INO80C: variants seen among roughly 807,000 people sequenced by gnomAD.
INO80C encodes the protein INO80 complex subunit C, also known as IES6 homolog.
In INO80C, 17 loss-of-function variants were observed where a neutral mutation model predicts 17.7. The observed-to-expected ratio is 0.96, with a 90% CI of 0.66 to 1.44. The LOEUF (loss-of-function observed/expected upper bound fraction) is 1.44, where lower values mean the gene tolerates loss of function less well. Ranked by LOEUF, INO80C falls within the 40% of genes most tolerant of loss-of-function variation. The probability of loss-of-function intolerance (pLI) is 0.00; values close to 1 mark genes in which losing one functional copy is unlikely to be tolerated. For synonymous variants in INO80C, 96 were observed against 95.8 expected, an observed-to-expected ratio of 1.00 and a Z score of -0.01; for missense variants, 244 against 245.0, an observed-to-expected ratio of 1.00 and a Z score of 0.03.
rs369355270 is a variant in INO80C, at chr18:35,497,705, G to C, written c.156+14C>G. ...CGCGACGCGCACGCGCAGCCTGGGA[G>C]CGCGACTGCGTACCTGCGCAAAGCT... On this transcript the variant is annotated intron_variant, in intron 1 of 4. Coordinates refer to ENST00000334598, the MANE Select transcript of INO80C (RefSeq NM_194281.4). The C allele has an allele frequency of 1.3e-4, 212 of 1,608,596 alleles. No homozygotes were observed. Among genetic ancestry groups the C allele is most frequent in the Non-Finnish European group, 1.7e-4 (198 of 1,177,898 alleles).
chr18:35,485,754 CAA>C lies in INO80C; in HGVS notation c.157-5193_157-5192del, dbSNP rs2045866517. Among the ~76,000 whole-genome samples the C allele has an allele frequency of 2.0e-5, 3 of 152,304 alleles. No homozygotes were observed. The South Asian group carries it at 6.2e-4, about 32-fold the overall frequency. ...ATATGTCCATGCAAAAACTTGTACA[CAA>C]ATATTCATAGCAGCATTATTCATAA... is the stretch of plus-strand genomic sequence containing the variant. On this transcript the variant is annotated intron_variant, in intron 1 of 4. Transcript: ENST00000334598.
chr18:35,497,585 G>T (rs1598755467), intron 1 of INO80C, 134 bp downstream of exon 1: 5 of 1,426,448 alleles, frequency 3.5e-6, no homozygotes, highest in Non-Finnish European at 4.6e-6. Flanking sequence ...TTCACTCCGC[G>T]GGGCAGCGTC....
intron 4 of INO80C, among the ~76,000 whole-genome samples, chr18:35,472,355 G>A (rs2045681080): frequency 6.6e-6 from 1 of 152,210 alleles, no homozygotes; most frequent in South Asian, 2.1e-4. Flanking sequence ...GATGGCCAGT[G>A]ATGATGAGCA....
At chr18:35,478,220 T>C in intron 4 of INO80C, 62 bp downstream of exon 4, 1 of 1,239,700 alleles carries the variant, frequency 8.1e-7, no homozygotes. Flanking sequence ...AACACTTGTC[T>C]AATTAGACAT....
chr18:35,468,761 A>G lies in INO80C; in HGVS notation c.448-19T>C. 1 of 1,609,324 alleles carries G rather than the reference A, an allele frequency of 6.2e-7. No individual in the cohort carries two copies. The highest frequency in any genetic ancestry group is 1.1e-5 in the South Asian group (1 of 90,770). On this transcript the variant is annotated intron_variant, in intron 4 of 4. Coordinates refer to ENST00000334598, the MANE Select transcript of INO80C (RefSeq NM_194281.4). ...AGTTGGCCTGGGTGAAAAGAGGCACAGGGAAGGGCAGAAAGTTTTTGCTGG... is the reference window on the plus strand; with the variant it reads ...AGTTGGCCTGGGTGAAAAGAGGCACGGGGAAGGGCAGAAAGTTTTTGCTGG...
At chr18:35,471,483 G>C (rs1327323040) in intron 4 of INO80C, among the ~76,000 whole-genome samples, 2 of 152,134 alleles carry the variant, frequency 1.3e-5, no homozygotes, top group Non-Finnish European at 2.9e-5. Context: ...ACTATGCATT[G>C]AGCTCAAGAA....
intron 1 of INO80C, among the ~76,000 whole-genome samples, chr18:35,492,475 T>G (rs917390276): frequency 6.6e-6 from 1 of 152,182 alleles, no homozygotes; most frequent in African/African-American, 2.4e-5. Context: ...TATCTACATG[T>G]AGAAAACACA....
chr18:35,471,000 T>C (rs1486869787), intron 4 of INO80C, among the ~76,000 whole-genome samples: 1 of 152,174 alleles, frequency 6.6e-6, no homozygotes, highest in African/African-American at 2.4e-5. Flanking sequence ...TCACCCAGAA[T>C]ACACTTTTCA....
chr18:35,496,052 T>C (rs2045977834), intron 1 of INO80C, among the ~76,000 whole-genome samples: 1 of 152,226 alleles, frequency 6.6e-6, no homozygotes. Flanking sequence ...GGCACTCTCA[T>C]ACTTTGCCGG....
intron 1 of INO80C, among the ~76,000 whole-genome samples, chr18:35,486,151 T>C (rs776585165): frequency 1.3e-5 from 2 of 152,172 alleles, no homozygotes; most frequent in Non-Finnish European, 2.9e-5. Flanking sequence ...AAATGTAGTA[T>C]GTCCATAAAA....
chr18:35,497,710 A>G lies in INO80C; in HGVS notation c.156+9T>C, dbSNP rs758141765. The G allele has an allele frequency of 1.9e-6, 3 of 1,609,692 alleles. No homozygotes were observed. Among genetic ancestry groups the G allele is most frequent in the South Asian group, 1.1e-5 (1 of 90,834 alleles). On this transcript the variant is annotated intron_variant, in intron 1 of 4. Coordinates refer to ENST00000334598, the MANE Select transcript of INO80C (RefSeq NM_194281.4). ...CGCGCACGCGCAGCCTGGGAGCGCG[A>G]CTGCGTACCTGCGCAAAGCTGGAAG...
chr18:35,481,597 G>C (rs2045809452), intron 1 of INO80C, among the ~76,000 whole-genome samples: 1 of 152,184 alleles, frequency 6.6e-6, no homozygotes, highest in East Asian at 1.9e-4. Context: ...AAGTTTCTGA[G>C]ATGTGGCCAG....
At chr18:35,476,445 T>C (rs2045737008) in intron 4 of INO80C, among the ~76,000 whole-genome samples, 1 of 152,236 alleles carries the variant, frequency 6.6e-6, no homozygotes, top group South Asian at 2.1e-4. Context: ...TAGATGTTAA[T>C]AACAGCAGAA....
intron 1 of INO80C, among the ~76,000 whole-genome samples, chr18:35,496,412 T>C (rs1490518163): frequency 6.6e-6 from 1 of 152,210 alleles, no homozygotes; most frequent in Non-Finnish European, 1.5e-5. Flanking sequence ...GTCAGTCTAT[T>C]GTGAAGGGTG....
chr18:35,495,616 C>T (rs2144096283), intron 1 of INO80C, among the ~76,000 whole-genome samples: 1 of 152,238 alleles, frequency 6.6e-6, no homozygotes, highest in East Asian at 1.9e-4. Flanking sequence ...CTTTCAGAAG[C>T]TTGTGGTAGT....
chr18:35,475,874 C>CT (rs936283236), intron 4 of INO80C, among the ~76,000 whole-genome samples: 7 of 151,874 alleles, frequency 4.6e-5, no homozygotes, highest in African/African-American at 9.7e-5. Flanking sequence ...AAAGAAAGTT[C>CT]TTTTTTTTCT....
At chr18:35,472,781 A>G (rs1398215236) in intron 4 of INO80C, among the ~76,000 whole-genome samples, 1 of 152,154 alleles carries the variant, frequency 6.6e-6, no homozygotes, top group Non-Finnish European at 1.5e-5. Flanking sequence ...AAATGTCTTA[A>G]TTTCTTCCCT....
At chr18:35,471,037 G>A (rs2045663666) in intron 4 of INO80C, among the ~76,000 whole-genome samples, 1 of 152,202 alleles carries the variant, frequency 6.6e-6, no homozygotes, top group South Asian at 2.1e-4. Context: ...GCTGAACACA[G>A]GTATGACCCT....
At chr18:35,469,906 T>C (rs532323416) in intron 4 of INO80C, among the ~76,000 whole-genome samples, 1 of 152,346 alleles carries the variant, frequency 6.6e-6, no homozygotes, top group African/African-American at 2.4e-5. Context: ...AGAACTTGTT[T>C]CCCAGACATA....
Sources: allele counts gnomAD v4.1 joint callset (sites outside exome capture counted in the v4.1 genomes callset), GRCh38; gene constraint gnomAD v4.1.1; transcripts MANE v1.5; gene names NCBI Gene and HGNC (gene_info 2026-07-23, HGNC 2026-07-21).